The following CHRM3 variants were observed in gnomAD, a reference collection of about 807,000 sequenced individuals.
CHRM3 encodes muscarinic acetylcholine receptor M3.
In CHRM3, 11 loss-of-function variants were observed where a neutral mutation model predicts 41.8. That is an observed-to-expected ratio of 0.26 (90% CI 0.17 to 0.44). The LOEUF is 0.44. Ranked by LOEUF, CHRM3 falls within the 20% of genes least tolerant of loss-of-function variation. The pLI, the probability that CHRM3 is intolerant of heterozygous loss-of-function variation, is 1.00. For missense variants in CHRM3, 571 were observed against 745.4 expected, an observed-to-expected ratio of 0.77 and a Z score of 2.72; for synonymous variants, 297 against 301.4, an observed-to-expected ratio of 0.99 and a Z score of 0.15.
At chr1:239,658,802 G>A (rs546518761) in intron 4 of CHRM3, among the ~76,000 whole-genome samples, 11 of 151,414 alleles carry the variant, frequency 7.3e-5, no homozygotes, top group Admixed American at 7.2e-4. Flanking sequence ...GCAGTGGTGC[G>A]ATCTTGGCTC....
chr1:239,788,612 A>C (rs1669094642), intron 5 of CHRM3, among the ~76,000 whole-genome samples: 1 of 152,116 alleles, frequency 6.6e-6, no homozygotes, highest in African/African-American at 2.4e-5. Flanking sequence ...CTAAAAATGC[A>C]AAAATTAGCC....
At chr1:239,558,790 G>T (rs1046152499) in intron 3 of CHRM3, among the ~76,000 whole-genome samples, 3 of 152,140 alleles carry the variant, frequency 2.0e-5, no homozygotes, top group African/African-American at 7.2e-5. Flanking sequence ...TAAGAATTAT[G>T]AGTCACCTGA....
chr1:239,604,870 G>T (rs901689529), intron 3 of CHRM3, among the ~76,000 whole-genome samples: 1 of 151,982 alleles, frequency 6.6e-6, no homozygotes, highest in Non-Finnish European at 1.5e-5. Context: ...TCTATTTCTT[G>T]GTTGTTTAAT....
intron 4 of CHRM3, among the ~76,000 whole-genome samples, chr1:239,651,107 C>T (rs1672204273): frequency 6.6e-6 from 1 of 152,036 alleles, no homozygotes; most frequent in African/African-American, 2.4e-5. Context: ...TGAATCAAAC[C>T]CATATTTGCA....
At chr1:239,853,401 C>CT (rs1374434544) in intron 6 of CHRM3, among the ~76,000 whole-genome samples, 1 of 151,452 alleles carries the variant, frequency 6.6e-6, no homozygotes, top group Non-Finnish European at 1.5e-5. Context: ...TTTTTCTTTT[C>CT]TTTTTTTCAA....
intron 6 of CHRM3, among the ~76,000 whole-genome samples, chr1:239,830,844 C>T (rs1188082002): frequency 6.6e-6 from 1 of 152,192 alleles, no homozygotes; most frequent in African/African-American, 2.4e-5. Context: ...GACCACCCTA[C>T]AGACTCTCAC....
intron 6 of CHRM3, among the ~76,000 whole-genome samples, chr1:239,864,963 AT>A (rs945060531): frequency 1.5e-4 from 23 of 152,326 alleles, no homozygotes; most frequent in African/African-American, 5.5e-4. Flanking sequence ...GACAACATCT[AT>A]CACACTTATA....
intron 5 of CHRM3, among the ~76,000 whole-genome samples, chr1:239,763,886 A>T (rs1412561119): frequency 1.3e-5 from 2 of 151,780 alleles, no homozygotes; most frequent in Non-Finnish European, 2.9e-5. Context: ...ACTTGAGGCC[A>T]GGAGTTTGAC....
At chr1:239,549,316 G>A (rs1275325068) in intron 3 of CHRM3, among the ~76,000 whole-genome samples, 1 of 151,838 alleles carries the variant, frequency 6.6e-6, no homozygotes, top group Non-Finnish European at 1.5e-5. Context: ...ATATATATTT[G>A]TGATGTTTAC....
At position 239,909,443 on chromosome 1, in the gene CHRM3, A is replaced by G. The variant is rs78895316; in HGVS notation, c.*219A>G. 5,337 of 464,116 alleles carry G rather than the reference A, an allele frequency of 0.011. 50 individuals are homozygous for G. The highest frequency in any genetic ancestry group is 0.035 in the Middle Eastern group (61 of 1,730). 28.7% of individuals were successfully genotyped at this position (464,116 alleles called of 1,614,324 possible). On this transcript the variant is annotated 3_prime_UTR_variant, in exon 7 of 7. Coordinates refer to ENST00000676153, the MANE Select transcript of CHRM3 (RefSeq NM_001375978.1). ...AAAGAAAAAAAAAACATACTACTGA[A>G]TATAAAGAAATTTATTCTGAAATAG...
chr1:239,456,687 T>A (rs1034291442), intron 1 of CHRM3, among the ~76,000 whole-genome samples: 2 of 152,210 alleles, frequency 1.3e-5, no homozygotes, highest in Admixed American at 1.3e-4. Context: ...CCTGCCATCC[T>A]TGATCCCTGG....
chr1:239,684,471 A>C (rs1184595137), intron 5 of CHRM3, among the ~76,000 whole-genome samples: 1 of 151,886 alleles, frequency 6.6e-6, no homozygotes, highest in East Asian at 1.9e-4. Context: ...AGGAGTGCGG[A>C]TCACTTGAGG....
In CHRM3 at chr1:239,634,376, C is replaced by CAGAAAGAAAGAAA. The variant is rs1553347938; in HGVS notation, c.-250+2090_-250+2091insAGAAAGAAAGAAA. Reference sequence around the variant, plus strand: ...GATAGAGAGCAAAAGCAAGAACAAACGAAAGAAAGAAAGAAAGAAAGAAAG... The same window carrying CAGAAAGAAAGAAA: ...GATAGAGAGCAAAAGCAAGAACAAACAGAAAGAAAGAAAGAAAGAAAGAAAGAAAGAAAGAAAG... On this transcript the variant is annotated intron_variant, in intron 4 of 6. Coordinates refer to ENST00000676153, the MANE Select transcript of CHRM3 (RefSeq NM_001375978.1). Among the ~76,000 whole-genome samples the CAGAAAGAAAGAAA allele has an allele frequency of 3.2e-3, 432 of 135,562 alleles. 5 individuals carry two copies. Among genetic ancestry groups the CAGAAAGAAAGAAA allele is most frequent in the African/African-American group, 0.011 (384 of 35,310 alleles). 88.9% of individuals were successfully genotyped at this position (135,562 alleles called of 152,430 possible). A position where few individuals can be genotyped will look rare whatever the true frequency, so the allele number is the denominator to read the frequency against.
chr1:239,490,803 G>A (rs1029716285), intron 1 of CHRM3, among the ~76,000 whole-genome samples: 7 of 152,064 alleles, frequency 4.6e-5, no homozygotes, highest in Non-Finnish European at 1.0e-4. Flanking sequence ...CTGGAGTGCA[G>A]TGGTGCCATC....
chr1:239,749,830 G>A (rs1283593628), intron 5 of CHRM3, among the ~76,000 whole-genome samples: 1 of 152,288 alleles, frequency 6.6e-6, no homozygotes, highest in East Asian at 1.9e-4. Flanking sequence ...TTTAAGTAGG[G>A]TATTCTGACC....
intron 2 of CHRM3, among the ~76,000 whole-genome samples, chr1:239,525,680 A>AT (rs1380287387): frequency 3.3e-5 from 5 of 152,238 alleles, no homozygotes; most frequent in East Asian, 3.9e-4. Context: ...TAACAGCTTA[A>AT]TTTTTTTATT....
chr1:239,736,093 C>T (rs1286871007), intron 5 of CHRM3, among the ~76,000 whole-genome samples: 2 of 152,056 alleles, frequency 1.3e-5, no homozygotes, highest in African/African-American at 2.4e-5. Flanking sequence ...CAGCTAGTAT[C>T]GACTACTCCA....
intron 3 of CHRM3, among the ~76,000 whole-genome samples, chr1:239,611,666 G>A (rs1026066251): frequency 1.1e-4 from 17 of 151,938 alleles, no homozygotes; most frequent in Admixed American, 2.0e-4. Context: ...TGATCCGCCC[G>A]CCTTGGCCTC....
intron 5 of CHRM3, among the ~76,000 whole-genome samples, chr1:239,822,984 CAAAG>C (rs1354291721): frequency 6.6e-6 from 1 of 152,034 alleles, no homozygotes; most frequent in Non-Finnish European, 1.5e-5. Flanking sequence ...CCCTGGTCTT[CAAAG>C]AAAGAAAGAA....
Sources: gnomAD v4.1 joint callset for allele counts (sites outside exome capture counted in the v4.1 genomes callset) on GRCh38, gnomAD v4.1.1 for gene constraint, MANE v1.5 for transcripts, NCBI Gene and HGNC (gene_info 2026-07-23, HGNC 2026-07-21) for gene names.